Variants in ANO4 observed in about 807,000 individuals in gnomAD.
The protein encoded by ANO4 is anoctamin 4, also known as anoctamin-4.
Under a neutral mutation model 141.9 loss-of-function variants are expected in ANO4, and 69 were observed. That is an observed-to-expected ratio of 0.49 (90% CI 0.40 to 0.59). The LOEUF (loss-of-function observed/expected upper bound fraction) is 0.59. ANO4 is among the 20% of genes least tolerant of loss of function. The pLI is 0.00. For synonymous variants in ANO4, 350 were observed against 394.3 expected (o/e 0.89, Z 1.33); for missense variants, 894 against 1,162.2 (o/e 0.77, Z 3.36).
chr12:101,069,588 T>C (rs909464163), intron 14 of ANO4, among the ~76,000 whole-genome samples: 4 of 152,168 alleles, frequency 2.6e-5, no homozygotes, highest in African/African-American at 9.7e-5. Flanking sequence ...AACCCATGAA[T>C]GTCAGGGAGG....
chr12:100,926,509 C>T (rs2041876248), intron 3 of ANO4, among the ~76,000 whole-genome samples: 1 of 152,040 alleles, frequency 6.6e-6, no homozygotes, highest in Admixed American at 6.6e-5. Flanking sequence ...AAAACGTTTT[C>T]AGATCACGTC....
intron 8 of ANO4, among the ~76,000 whole-genome samples, chr12:101,011,667 A>G (rs1325303375): frequency 6.6e-6 from 1 of 152,230 alleles, no homozygotes; most frequent in Non-Finnish European, 1.5e-5. Flanking sequence ...AGAAGACTGT[A>G]GCAGTCACTT....
At chr12:100,819,591 G>A (rs1256019290) in intron 1 of ANO4, among the ~76,000 whole-genome samples, 1 of 151,876 alleles carries the variant, frequency 6.6e-6, no homozygotes, top group East Asian at 1.9e-4. Context: ...TGGAGGAAAT[G>A]TATATTTTAA....
rs150002334 is a variant in ANO4, at chr12:100,870,455, A to G, written c.-140-31191A>G. Among the ~76,000 whole-genome samples, 23 of 152,222 alleles carry G rather than the reference A, an allele frequency of 1.5e-4. No homozygotes were observed. In the East Asian group the frequency reaches 3.9e-3, roughly 26 times the overall value. On this transcript the variant is annotated intron_variant, in intron 1 of 27. Coordinates refer to ENST00000392977, the MANE Select transcript of ANO4 (RefSeq NM_001286615.2). ...TAGTGAGGATTTATTTTAAGTTTTC[A>G]TTATTTTTTTTTACATCATAGCCCT...
intron 2 of ANO4, among the ~76,000 whole-genome samples, chr12:100,738,752 A>C (rs2031720352): frequency 6.6e-6 from 1 of 151,906 alleles, no homozygotes; most frequent in Non-Finnish European, 1.5e-5. Flanking sequence ...TGATTACTAC[A>C]GTCAAGCAAC....
At chr12:100,836,360 A>C (rs1349633679) in intron 1 of ANO4, among the ~76,000 whole-genome samples, 1 of 152,086 alleles carries the variant, frequency 6.6e-6, no homozygotes, top group Non-Finnish European at 1.5e-5. Context: ...TTTTTATTAT[A>C]CTGTAAGTTC....
chr12:101,007,401 C>T (rs991753125), intron 8 of ANO4, among the ~76,000 whole-genome samples: 1 of 152,120 alleles, frequency 6.6e-6, no homozygotes, highest in African/African-American at 2.4e-5. Context: ...TAATAAAAAT[C>T]ATGAAACTAC....
At chr12:101,019,243 A>G (rs2046426350) in intron 8 of ANO4, among the ~76,000 whole-genome samples, 1 of 152,120 alleles carries the variant, frequency 6.6e-6, no homozygotes, top group South Asian at 2.1e-4. Context: ...CTAATATTCT[A>G]CCATTTTTTG....
intron 9 of ANO4, among the ~76,000 whole-genome samples, chr12:101,023,125 A>G (rs2136508043): frequency 6.6e-6 from 1 of 152,318 alleles, no homozygotes; most frequent in Admixed American, 6.5e-5. Context: ...TGCCTAGCAC[A>G]GTGCCTGGCA....
At chr12:100,857,776 G>T (rs10507121) in intron 1 of ANO4, among the ~76,000 whole-genome samples, 15,428 of 152,150 alleles carry the variant, frequency 0.1, 883 homozygotes, top group South Asian at 0.16. Flanking sequence ...CTCTGAATTT[G>T]TAATAGAACT....
At chr12:101,075,693 T>C (rs1185711152) in intron 14 of ANO4, among the ~76,000 whole-genome samples, 1 of 139,402 alleles carries the variant, frequency 7.2e-6, no homozygotes, top group East Asian at 2.1e-4. Context: ...AACATAAAGA[T>C]ACATATATCT....
intron 9 of ANO4, among the ~76,000 whole-genome samples, chr12:101,036,775 C>T (rs1450756424): frequency 6.6e-6 from 1 of 152,104 alleles, no homozygotes; most frequent in South Asian, 2.1e-4. Context: ...TAATGTACAG[C>T]ATGGGTGGAG....
chr12:100,960,628 A>G (rs1043077179), intron 5 of ANO4, among the ~76,000 whole-genome samples: 2 of 152,140 alleles, frequency 1.3e-5, no homozygotes, highest in Non-Finnish European at 2.9e-5. Flanking sequence ...AGATAGTAAA[A>G]AAAGAAAGTA....
At chr12:101,072,759 C>G (rs1461590391) in intron 14 of ANO4, among the ~76,000 whole-genome samples, 2 of 151,828 alleles carry the variant, frequency 1.3e-5, no homozygotes, top group African/African-American at 4.8e-5. Flanking sequence ...AAAAAAACAT[C>G]AAAAAGTGGG....
rs1333075392 is a variant in ANO4 at position 101,039,941 on chromosome 12, T to G, written c.898-14T>G. On this transcript the variant is annotated splice_polypyrimidine_tract_variant and intron_variant, in intron 10 of 27. Coordinates refer to ENST00000392977, the MANE Select transcript of ANO4 (RefSeq NM_001286615.2). Reference sequence around the variant, plus strand: ...GTGAGTACTACCTCACTGGCAGTGGTGTTTTTATCCCAGGGAAGTTATAGA... The same window carrying G: ...GTGAGTACTACCTCACTGGCAGTGGGGTTTTTATCCCAGGGAAGTTATAGA... 2 of 1,606,198 alleles carry G rather than the reference T, an allele frequency of 1.2e-6. No homozygotes were observed. Among genetic ancestry groups the G allele is most frequent in the Non-Finnish European group, 1.7e-6 (2 of 1,175,068 alleles).
At chr12:101,111,813 C>A (rs1039881667) in intron 24 of ANO4, 103 bp downstream of exon 24, 20 of 1,048,778 alleles carry the variant, frequency 1.9e-5, no homozygotes, top group Non-Finnish European at 2.5e-5. Flanking sequence ...GAATACATGC[C>A]CAGAAGGAGA....
At chr12:100,939,964 G>T (rs1474757513) in intron 4 of ANO4, among the ~76,000 whole-genome samples, 1 of 152,120 alleles carries the variant, frequency 6.6e-6, no homozygotes, top group Non-Finnish European at 1.5e-5. Flanking sequence ...CCTTTGTTCA[G>T]GTTGTGTCTC....
chr12:101,035,677 T>G (rs2047164869), intron 9 of ANO4, among the ~76,000 whole-genome samples: 1 of 152,146 alleles, frequency 6.6e-6, no homozygotes. Flanking sequence ...ATGAAGCTTC[T>G]GAATGAAAAT....
intron 9 of ANO4, among the ~76,000 whole-genome samples, chr12:101,024,457 A>G (rs139693822): frequency 0.024 from 3,677 of 152,178 alleles, 148 homozygotes; most frequent in African/African-American, 0.084. Context: ...TTAGCTGAGC[A>G]TGGTGGCACT....
Sources: allele counts gnomAD v4.1 joint callset (sites outside exome capture counted in the v4.1 genomes callset), GRCh38; gene constraint gnomAD v4.1.1; transcripts MANE v1.5; gene names NCBI Gene and HGNC (gene_info 2026-07-23, HGNC 2026-07-21).